The following CSH2 variants were observed in gnomAD, a reference collection of about 807,000 sequenced individuals.
CSH2 encodes choriomammotropin.
CSH2 carries 10 observed loss-of-function variants against 22.7 expected under a neutral mutation model. The observed-to-expected ratio is 0.44, with a 90% CI of 0.27 to 0.75. The LOEUF (loss-of-function observed/expected upper bound fraction) is 0.75, where lower values mean the gene tolerates loss of function less well. Ranked by LOEUF, CSH2 falls within the 30% of genes least tolerant of loss-of-function variation. CSH2 has a pLI of 0.16. For missense variants in CSH2, 161 were observed against 271.0 expected (o/e 0.59, Z 2.85); for synonymous variants, 64 against 115.0 (o/e 0.56, Z 2.84).
Position 63,873,491 on chromosome 17 carries a change from G to A in CSH2, c.10+114C>T, listed in dbSNP as rs540403088. The A allele has an allele frequency of 1.3e-5, 20 of 1,571,672 alleles. No homozygotes were observed. In the South Asian group the frequency reaches 2.0e-4, roughly 16 times the overall value. On this transcript the variant is annotated intron_variant, in intron 1 of 4. Transcript: ENST00000392886. ...GGCCAAATATCTGGCCTTAGATGGCGATACTCACATTCATAAGCCCCAAAC... is the reference window on the plus strand; with the variant it reads ...GGCCAAATATCTGGCCTTAGATGGCAATACTCACATTCATAAGCCCCAAAC...
chr17:63,872,650 A>C lies in CSH2; in HGVS notation c.383T>G (p.Val128Gly). 2 of 1,609,784 alleles carry C rather than the reference A, an allele frequency of 1.2e-6. No individual in the cohort carries two copies. The highest frequency in any genetic ancestry group is 8.5e-7 in the Non-Finnish European group (1 of 1,178,624). ...FLRSMFANNL[V>G]YDTSDSDDYH... ...GTCATCGCTGTCCGAGGTGTCATAC[A>C]CCAGGTTGTTGGCGAACATACTCCT... is the stretch of plus-strand genomic sequence containing the variant. The change falls in exon 4 of 5, where the codon GTG (valine) becomes GGG (glycine). Residue 128 changes from valine to glycine, a missense_variant. Transcript: ENST00000392886.
At chr17:63,872,414 G>C in intron 4 of CSH2, 91 bp from the exon 5 acceptor site, 1 of 1,613,726 alleles carries the variant, frequency 6.2e-7, no homozygotes, top group East Asian at 2.2e-5. Flanking sequence ...TCCCCTTCAG[G>C]GTGTAGAGAA....
intron 4 of CSH2, 23 bp from the exon 5 acceptor site, chr17:63,872,346 G>C (rs1450373165): frequency 1.9e-6 from 3 of 1,613,870 alleles, no homozygotes; most frequent in Non-Finnish European, 2.5e-6. Context: ...GGAAGAGAAG[G>C]AGAGGCCAAG....
intron 3 of CSH2, 40 bp from the exon 4 acceptor site, chr17:63,872,781 G>T (rs996596510): frequency 1.4e-6 from 2 of 1,455,374 alleles, no homozygotes; most frequent in South Asian, 2.6e-5. Flanking sequence ...CTGCCCGGGA[G>T]CCCTGACCAC....
rs1020591105 is a variant in CSH2, at chr17:63,872,597, C to T, written c.436G>A (p.Gly146Ser). 26 of 1,613,678 alleles carry T rather than the reference C, an allele frequency of 1.6e-5. No homozygotes were observed. Among genetic ancestry groups the T allele is most frequent in the South Asian group, 2.2e-5 (2 of 91,072 alleles). Residue 146 changes from glycine (G) to serine (S), a missense_variant, in exon 4 of 5, where the codon GGC becomes AGC. By Grantham distance (56) the Gly-to-Ser change is moderately conservative (BLOSUM62 0). Coordinates refer to ENST00000392886, the MANE Select transcript of CSH2 (RefSeq NM_020991.4). ...CTCACCCCCATCAGCGTTTGGATGCCTTCCTCTAGGTCCTTTAGGAGGTGA... is the reference window on the plus strand; with the variant it reads ...CTCACCCCCATCAGCGTTTGGATGCTTTCCTCTAGGTCCTTTAGGAGGTGA... ...DYHLLKDLEE[G>S]IQTLMGRLED...
rs1213635096 is a variant in CSH2 at position 63,872,236 on chromosome 17, G to T, written c.544C>A (p.Leu182Met). 1 of 1,613,898 alleles carries T rather than the reference G, an allele frequency of 6.2e-7. No individual in the cohort carries two copies. The highest frequency in any genetic ancestry group is 8.5e-7 in the Non-Finnish European group (1 of 1,179,930). ...FDTNSHNHDA[L>M]LKNYGLLYCF... ...TAGAGCAGCCCGTAGTTCTTGAGCA[G>T]TGCGTCATGGTTGTGTGAGTTTGTG... The change falls in exon 5 of 5, where the codon CTG (leucine) becomes ATG (methionine). Residue 182 changes from leucine to methionine, a missense_variant. By Grantham distance (15) the Leu-to-Met change is conservative (BLOSUM62 2). Around this residue, in one of 2 missense-constraint regions of CSH2, gnomAD observed 145 missense variants for 157.8 expected, o/e 0.92. Coordinates refer to ENST00000392886, the MANE Select transcript of CSH2 (RefSeq NM_020991.4).
chr17:63,872,810 C>T, intron 3 of CSH2, 25 bp downstream of exon 3: 1 of 1,291,298 alleles, frequency 7.7e-7, no homozygotes, highest in Non-Finnish European at 1.0e-6. Flanking sequence ...CCCATCCCCG[C>T]CTAGGGGAGA....
intron 4 of CSH2, 72 bp downstream of exon 4, chr17:63,872,504 AG>A (rs1905139828): frequency 6.2e-7 from 1 of 1,613,852 alleles, no homozygotes; most frequent in East Asian, 2.2e-5. Context: ...CAAAGAGGGC[AG>A]CAGTGTTTCT....
At position 63,872,031 on chromosome 17, in the gene CSH2, T is replaced by A; in HGVS notation, c.*95A>T. 1 of 1,587,466 alleles carries A rather than the reference T, an allele frequency of 6.3e-7. No homozygotes were observed. The highest frequency in any genetic ancestry group is 8.6e-7 in the Non-Finnish European group (1 of 1,160,554). ...GTCAGATGAAATGATACAACTTAAT[T>A]TTATTAGGACAAGGCTGATGGGCAC... On this transcript the variant is annotated 3_prime_UTR_variant, in exon 5 of 5. Coordinates refer to ENST00000392886, the MANE Select transcript of CSH2 (RefSeq NM_020991.4).
In CSH2 at chr17:63,873,475, T is replaced by C. The variant is rs971424666; in HGVS notation, c.10+130A>G. 1.5e-5 allele frequency: 24 copies of C among 1,588,992 alleles called. No homozygotes were observed. In the African/African-American group the frequency reaches 2.7e-4, roughly 18 times the overall value. ...GGAACATTCAGAGATTGGCCAAATA[T>C]CTGGCCTTAGATGGCGATACTCACA... On this transcript the variant is annotated intron_variant, in intron 1 of 4. Transcript: ENST00000392886.
Position 63,872,246 on chromosome 17 carries a change from G to C in CSH2, c.534C>G (p.Asn178Lys). 7.4e-6 allele frequency: 12 copies of C among 1,614,020 alleles called. No homozygotes were observed. The highest frequency in any genetic ancestry group is 9.3e-6 in the Non-Finnish European group (11 of 1,179,910). The part of the protein sequence containing the change: ...TYSKFDTNSH[N>K]HDALLKNYGL... ...CGTAGTTCTTGAGCAGTGCGTCATGGTTGTGTGAGTTTGTGTCAAACTTGC... is the reference window on the plus strand; with the variant it reads ...CGTAGTTCTTGAGCAGTGCGTCATGCTTGTGTGAGTTTGTGTCAAACTTGC... The change falls in exon 5 of 5, where the codon AAC becomes AAG. Residue 178 changes from asparagine to lysine, a missense_variant. Transcript: ENST00000392886.
chr17:63,872,058 G>A lies in CSH2; in HGVS notation c.*68C>T, dbSNP rs1199476705. The A allele has an allele frequency of 2.6e-5, 42 of 1,612,026 alleles. No homozygotes were observed. Among genetic ancestry groups the A allele is most frequent in the African/African-American group, 1.3e-5 (1 of 74,894 alleles). On this transcript the variant is annotated 3_prime_UTR_variant, in exon 5 of 5. Coordinates refer to ENST00000392886, the MANE Select transcript of CSH2 (RefSeq NM_020991.4). ...TATTAGGACAAGGCTGATGGGCACT[G>A]GAGTGGCACCTTCCAGGGCCAGGAG... is the stretch of plus-strand genomic sequence containing the variant.
At position 63,872,655 on chromosome 17, in the gene CSH2, G is replaced by C; in HGVS notation, c.378C>G (p.Asn126Lys). 2.5e-6 allele frequency: 4 copies of C among 1,609,990 alleles called. No homozygotes were observed. The highest frequency in any genetic ancestry group is 3.4e-6 in the Non-Finnish European group (4 of 1,178,760). The stretch of plus-strand genomic sequence containing the variant: ...CGCTGTCCGAGGTGTCATACACCAG[G>C]TTGTTGGCGAACATACTCCTGAGGA... The part of the protein sequence containing the change: ...VRFLRSMFAN[N>K]LVYDTSDSDD... The change falls in exon 4 of 5, where the codon AAC (asparagine) becomes AAG (lysine). Residue 126 changes from asparagine (N) to lysine (K), a missense_variant. Coordinates refer to ENST00000392886, the MANE Select transcript of CSH2 (RefSeq NM_020991.4).
Position 63,873,534 on chromosome 17 carries a change from C to T in CSH2, c.10+71G>A, listed in dbSNP as rs1262324689. On this transcript the variant is annotated intron_variant, in intron 1 of 4. Coordinates refer to ENST00000392886, the MANE Select transcript of CSH2 (RefSeq NM_020991.4). The stretch of plus-strand genomic sequence containing the variant: ...CCCCAAACCTGAGGGTTAGTGCCCC[C>T]GTCCCATCTACAGGGCGCTGCCTCT... The T allele has an allele frequency of 3.2e-5, 50 of 1,570,246 alleles. 2 individuals carry two copies. Among genetic ancestry groups the T allele is most frequent in the South Asian group, 4.7e-5 (4 of 84,708 alleles).
At chr17:63,872,408 C>T in intron 4 of CSH2, 85 bp from the exon 5 acceptor site, 4 of 1,613,832 alleles carry the variant, frequency 2.5e-6, no homozygotes, top group Middle Eastern at 3.3e-4. Flanking sequence ...CCTCCCTCCC[C>T]TTCAGGGTGT....
In CSH2 at chr17:63,873,598, C is replaced by T. The variant is rs368468291; in HGVS notation, c.10+7G>A. The T allele has an allele frequency of 4.3e-6, 7 of 1,610,722 alleles. No individual in the cohort carries two copies. The East Asian group carries it at 6.7e-5, about 15-fold the overall frequency. On this transcript the variant is annotated splice_region_variant and intron_variant, in intron 1 of 4. Coordinates refer to ENST00000392886, the MANE Select transcript of CSH2 (RefSeq NM_020991.4). ...GTTGTGCCCAAAGGGATTTTAGGGGCGCTTACCTGCAGCCATTGCCGCTAG... is the reference window on the plus strand; with the variant it reads ...GTTGTGCCCAAAGGGATTTTAGGGGTGCTTACCTGCAGCCATTGCCGCTAG...
chr17:63,872,380 C>G, intron 4 of CSH2, 57 bp from the exon 5 acceptor site: 1 of 1,613,896 alleles, frequency 6.2e-7, no homozygotes, highest in East Asian at 2.2e-5. Context: ...TTCCCTCCCT[C>G]TCTCATTCAT....
In CSH2 at chr17:63,872,117, C is replaced by A. The variant is rs754148661; in HGVS notation, c.*9G>T. 1 of 1,614,010 alleles carries A rather than the reference C, an allele frequency of 6.2e-7. No individual in the cohort carries two copies. The highest frequency in any genetic ancestry group is 8.5e-7 in the Non-Finnish European group (1 of 1,179,918). On this transcript the variant is annotated 3_prime_UTR_variant, in exon 5 of 5. Coordinates refer to ENST00000392886, the MANE Select transcript of CSH2 (RefSeq NM_020991.4). ...GGGAGGGGTCGGTCACAGGATGCCA[C>A]GCGGGCACCTAGAAGCCACAGCTAC...
At chr17:63,873,682 C>A (rs1309012973), upstream of CSH2, 1 of 1,513,764 alleles carries the variant, frequency 6.6e-7, no homozygotes, top group Non-Finnish European at 9.0e-7. Flanking sequence ...ATCCTAGAGC[C>A]GGTCTCTTGT....
Sources: gnomAD v4.1 joint callset for allele counts on GRCh38, gnomAD v4.1.1 for gene constraint, gnomAD v4.1.1 regional missense constraint, MANE v1.5 for transcripts, NCBI Gene and HGNC (gene_info 2026-07-23, HGNC 2026-07-21) for gene names.